Variants in NTRK3 observed in about 807,000 individuals in gnomAD.
The protein encoded by NTRK3 is NT-3 growth factor receptor.
A neutral mutation model predicts 91.7 loss-of-function variants in NTRK3; 24 were observed. The observed-to-expected ratio is 0.26, with a 90% CI of 0.19 to 0.37. The LOEUF (loss-of-function observed/expected upper bound fraction) is 0.37, where lower values mean the gene tolerates loss of function less well. Among genes scored for constraint, NTRK3 ranks in the 10% least tolerant of loss-of-function variants. The pLI is 1.00. For missense variants in NTRK3, 880 were observed against 1,068.9 expected (o/e 0.82, Z 2.46); for synonymous variants, 483 against 404.0 (o/e 1.20, Z -2.34).
intron 14 of NTRK3, among the ~76,000 whole-genome samples, chr15:88,018,293 C>T (rs975128113): frequency 1.3e-5 from 2 of 152,208 alleles, no homozygotes; most frequent in Non-Finnish European, 2.9e-5. Context: ...CCTTCTGCTG[C>T]CTCACTGGTG....
intron 13 of NTRK3, among the ~76,000 whole-genome samples, chr15:88,047,937 C>T (rs1596976636): frequency 6.6e-6 from 1 of 152,262 alleles, no homozygotes; most frequent in East Asian, 1.9e-4. Context: ...ACTAGTGATG[C>T]AATATCACAA....
intron 13 of NTRK3, among the ~76,000 whole-genome samples, chr15:88,082,923 G>T (rs189570730): frequency 4.3e-4 from 66 of 152,280 alleles, no homozygotes; most frequent in Non-Finnish European, 7.2e-4. Flanking sequence ...ACACAGAGAA[G>T]CTTACTCAGG....
At chr15:88,214,418 A>G (rs2049542814) in intron 3 of NTRK3, among the ~76,000 whole-genome samples, 1 of 152,122 alleles carries the variant, frequency 6.6e-6, no homozygotes, top group South Asian at 2.1e-4. Flanking sequence ...CTGGGTCCAC[A>G]TGTCGAATTC....
At chr15:88,147,298 A>C in intron 6 of NTRK3, 37 bp downstream of exon 6, 1 of 1,586,810 alleles carries the variant, frequency 6.3e-7, no homozygotes, top group Non-Finnish European at 8.7e-7. Context: ...CATTACCAGC[A>C]CTTCAGTACC....
intron 14 of NTRK3, among the ~76,000 whole-genome samples, chr15:87,985,557 G>C (rs1286756394): frequency 6.6e-6 from 1 of 152,146 alleles, no homozygotes; most frequent in Non-Finnish European, 1.5e-5. Flanking sequence ...TTCCTATAAA[G>C]TCACCTCAAT....
chr15:87,886,911 T>C (rs1484205999), intron 17 of NTRK3, among the ~76,000 whole-genome samples: 1 of 151,566 alleles, frequency 6.6e-6, no homozygotes, highest in Non-Finnish European at 1.5e-5. Flanking sequence ...AAAGAAAAAT[T>C]ATGTTTGTGA....
chr15:87,998,566 G>C (rs1051042270), intron 14 of NTRK3, among the ~76,000 whole-genome samples: 2 of 152,192 alleles, frequency 1.3e-5, no homozygotes, highest in African/African-American at 4.8e-5. Flanking sequence ...ATAACTATAT[G>C]AATCCATATT....
intron 13 of NTRK3, among the ~76,000 whole-genome samples, chr15:88,054,144 C>T (rs561610405): frequency 6.6e-6 from 1 of 152,306 alleles, no homozygotes; most frequent in East Asian, 1.9e-4. Context: ...AATAATAAAA[C>T]CTGCCTCATT....
chr15:87,883,658 A>G (rs1418233855), intron 17 of NTRK3, among the ~76,000 whole-genome samples: 2 of 151,152 alleles, frequency 1.3e-5, no homozygotes, highest in Admixed American at 6.6e-5. Flanking sequence ...AAAACCAATC[A>G]CATATTAAAT....
chr15:88,174,890 G>A (rs962744495), intron 5 of NTRK3, among the ~76,000 whole-genome samples: 11 of 152,336 alleles, frequency 7.2e-5, no homozygotes, highest in African/African-American at 2.6e-4. Context: ...ATCTGTCAAA[G>A]GTGTGAGCTG....
chr15:87,884,171 A>G (rs1209878111), intron 17 of NTRK3, among the ~76,000 whole-genome samples: 1 of 151,666 alleles, frequency 6.6e-6, no homozygotes, highest in Non-Finnish European at 1.5e-5. Context: ...CAAAAGTTAC[A>G]TAAACTTTTG....
rs2052369729 is a variant in NTRK3 at position 88,241,712 on chromosome 15, C to T, written c.248+14194G>A. The stretch of plus-strand genomic sequence containing the variant: ...TCATCTGACCTGCACCTCGCCTCAC[C>T]CAGGCTCACCTCCACCCAGCGCACT... On this transcript the variant is annotated intron_variant, in intron 3 of 18. Coordinates refer to ENST00000394480, the Ensembl canonical transcript of NTRK3. The surrounding 1 kb of genome is among the most constrained non-coding windows in gnomAD (Gnocchi z 4.3). Among the ~76,000 whole-genome samples, 1 of 152,150 alleles carries T rather than the reference C, an allele frequency of 6.6e-6. No individual in the cohort carries two copies. The highest frequency in any genetic ancestry group is 2.1e-4 in the South Asian group (1 of 4,824).
chr15:87,881,241 T>TG (rs1334514479), intron 17 of NTRK3, among the ~76,000 whole-genome samples: 4 of 152,192 alleles, frequency 2.6e-5, no homozygotes, highest in Non-Finnish European at 4.4e-5. Flanking sequence ...ACAGCATGTG[T>TG]GAAAACTCAG....
At chr15:87,893,779 A>G (rs1380708431) in intron 17 of NTRK3, among the ~76,000 whole-genome samples, 2 of 152,204 alleles carry the variant, frequency 1.3e-5, no homozygotes, top group African/African-American at 2.4e-5. Context: ...GAAGTAACCC[A>G]TATTCCAGAT....
chr15:87,975,538 C>A (rs927207960), intron 14 of NTRK3, among the ~76,000 whole-genome samples: 8 of 152,190 alleles, frequency 5.3e-5, no homozygotes, highest in African/African-American at 1.7e-4. Flanking sequence ...GTTCCCTGAG[C>A]CACCCTAAGC....
chr15:88,106,519 G>A (rs933128753), intron 13 of NTRK3, among the ~76,000 whole-genome samples: 1 of 152,220 alleles, frequency 6.6e-6, no homozygotes, highest in Non-Finnish European at 1.5e-5. Context: ...GGAAAAGCTA[G>A]AGACAGGGTT....
intron 10 of NTRK3, among the ~76,000 whole-genome samples, chr15:88,132,841 A>T (rs2041497599): frequency 6.6e-6 from 1 of 152,054 alleles, no homozygotes; most frequent in Non-Finnish European, 1.5e-5. Flanking sequence ...AAAACAAGCA[A>T]ATCTTCCCAC....
intron 14 of NTRK3, chr15:87,978,876 G>T (rs966227770): frequency 2.6e-5 from 7 of 265,224 alleles, no homozygotes; most frequent in African/African-American, 2.2e-5. Flanking sequence ...GGAGGTTGCA[G>T]GGCGACGAGG....
chr15:87,930,575 C>T (rs2068707896), intron 16 of NTRK3, among the ~76,000 whole-genome samples: 1 of 152,140 alleles, frequency 6.6e-6, no homozygotes, highest in African/African-American at 2.4e-5. Context: ...CTGGAGAGTG[C>T]ACTCCAGCCT....
Sources: allele counts gnomAD v4.1 joint callset (sites outside exome capture counted in the v4.1 genomes callset), GRCh38; gene constraint gnomAD v4.1.1; non-coding constraint Gnocchi (gnomAD v3.1); transcripts MANE v1.5; gene names NCBI Gene and HGNC (gene_info 2026-07-23, HGNC 2026-07-21).